The following PCDHA6 variants were observed in gnomAD, a reference collection of about 807,000 sequenced individuals.
PCDHA6 encodes the protein protocadherin alpha-6.
In PCDHA6, 55 loss-of-function variants were observed where a neutral mutation model predicts 60.3. The observed-to-expected ratio is 0.91, with a 90% CI of 0.73 to 1.14. The LOEUF (loss-of-function observed/expected upper bound fraction) is 1.14, where lower values mean the gene tolerates loss of function less well. Among genes scored for constraint, PCDHA6 ranks in the 50% most tolerant of loss-of-function variants. The pLI, the probability that PCDHA6 is intolerant of heterozygous loss-of-function variation, is 0.00. For synonymous variants in PCDHA6, 652 were observed against 557.9 expected, an observed-to-expected ratio of 1.17 and a Z score of -2.38; for missense variants, 1,327 against 1,256.5, an observed-to-expected ratio of 1.06 and a Z score of -0.85.
At position 140,843,179 on chromosome 5, in the gene PCDHA6, A is replaced by T. The variant is rs1554139831; in HGVS notation, c.2394+12694A>T. On this transcript the variant is annotated intron_variant, in intron 1 of 3. Transcript: ENST00000529310. Reference sequence around the variant, plus strand: ...GCAGCCAGCTGCAAGCAGCCCTCGCATCCCGTTCCGCGTGGGGCTGTACAC... The same window carrying T: ...GCAGCCAGCTGCAAGCAGCCCTCGCTTCCCGTTCCGCGTGGGGCTGTACAC... 4 of 1,595,858 alleles carry T rather than the reference A, an allele frequency of 2.5e-6. 1 individual carries two copies. In the Admixed American group the frequency reaches 5.1e-5, roughly 20 times the overall value.
rs782239316 is a variant in PCDHA6 at position 140,877,376 on chromosome 5, G to T, written c.2394+46891G>T. 6.2e-6 allele frequency: 10 copies of T among 1,613,896 alleles called. No individual in the cohort carries two copies. The South Asian group carries it at 6.6e-5, about 11-fold the overall frequency. On this transcript the variant is annotated intron_variant, in intron 1 of 3. Transcript: ENST00000529310. The stretch of plus-strand genomic sequence containing the variant: ...TACACTGGCGAGATCAGCACGACAC[G>T]CATCCTGGATGAGGCGGACGCTCCG...
chr5:140,898,072 G>T (rs1412097602), intron 1 of PCDHA6, among the ~76,000 whole-genome samples: 1 of 152,012 alleles, frequency 6.6e-6, no homozygotes, highest in Non-Finnish European at 1.5e-5. Flanking sequence ...TGAGTTCATT[G>T]TAGATTCTGG....
rs150390468 is a variant in PCDHA6 at position 140,876,777 on chromosome 5, G to A, written c.2394+46292G>A. The A allele has an allele frequency of 2.3e-3, 3,781 of 1,614,244 alleles. 8 individuals carry two copies. Among genetic ancestry groups the A allele is most frequent in the Non-Finnish European group, 3.0e-3 (3,507 of 1,180,036 alleles). On this transcript the variant is annotated intron_variant, in intron 1 of 3. Coordinates refer to ENST00000529310, the MANE Select transcript of PCDHA6 (RefSeq NM_018909.4). ...CGCGGGATGGGGGCTCGCCTTCGCT[G>A]TGGGCCACGGCTAGAGTGTCCGTGG...
At chr5:140,956,985 A>G (rs1554222760) in intron 1 of PCDHA6, among the ~76,000 whole-genome samples, 2 of 152,224 alleles carry the variant, frequency 1.3e-5, no homozygotes, top group African/African-American at 2.4e-5. Flanking sequence ...AGTAAAATAA[A>G]TTCAAGGAAG....
rs782295059 is a variant in PCDHA6 at position 140,883,240 on chromosome 5, C to A, written c.2394+52755C>A. The A allele has an allele frequency of 3.7e-6, 6 of 1,613,998 alleles. No homozygotes were observed. The Admixed American group carries it at 1.0e-4, about 27-fold the overall frequency. ...ATGAAATATCCGTGGAGGCAGTTGA[C>A]AAAGGAAATATTCCAATGGCGGGTC... On this transcript the variant is annotated intron_variant, in intron 1 of 3. Coordinates refer to ENST00000529310, the MANE Select transcript of PCDHA6 (RefSeq NM_018909.4).
chr5:140,876,023 C>G, intron 1 of PCDHA6: 1 of 1,612,330 alleles, frequency 6.2e-7, no homozygotes, highest in Non-Finnish European at 8.5e-7. Flanking sequence ...AAAATAAAAA[C>G]AAAAAAAGAT....
At chr5:140,833,562 T>A (rs1298635340) in intron 1 of PCDHA6, among the ~76,000 whole-genome samples, 1 of 152,132 alleles carries the variant, frequency 6.6e-6, no homozygotes, top group African/African-American at 2.4e-5. Context: ...GAAACAAATA[T>A]AAAATGATGA....
rs116346509 is a variant in PCDHA6 at position 140,904,582 on chromosome 5, G to A, written c.2394+74097G>A. ...TTTTTTTCCTCTGGGTAGACACCCA[G>A]TAGTGGGACTGCTGGATCAAATAGT... On this transcript the variant is annotated intron_variant, in intron 1 of 3. Transcript: ENST00000529310. Among the ~76,000 whole-genome samples, 650 of 152,092 alleles carry A rather than the reference G, an allele frequency of 4.3e-3. 5 individuals are homozygous for A. The highest frequency in any genetic ancestry group is 5.5e-3 in the Non-Finnish European group (373 of 67,986).
At chr5:140,920,923 G>C (rs1229531762) in intron 1 of PCDHA6, among the ~76,000 whole-genome samples, 5 of 151,200 alleles carry the variant, frequency 3.3e-5, no homozygotes, top group African/African-American at 1.2e-4. Flanking sequence ...TCCAAGAGTA[G>C]GTGATCTAGC....
chr5:141,002,673 C>T (rs2098090242), intron 3 of PCDHA6, among the ~76,000 whole-genome samples: 3 of 152,180 alleles, frequency 2.0e-5, no homozygotes, highest in Admixed American at 2.0e-4. Context: ...GGACCAAAAC[C>T]TATACGACGT....
chr5:140,929,071 T>C, intron 1 of PCDHA6: 1 of 1,614,122 alleles, frequency 6.2e-7, no homozygotes, highest in South Asian at 1.1e-5. Flanking sequence ...GGATCTGAGG[T>C]ATGGAAGTAA....
intron 1 of PCDHA6, chr5:140,967,281 C>G: frequency 2.5e-6 from 4 of 1,613,102 alleles, no homozygotes; most frequent in Non-Finnish European, 3.4e-6. Flanking sequence ...ATAGAGAGTG[C>G]GCAGGACCCC....
At chr5:140,898,957 G>A (rs1165991766) in intron 1 of PCDHA6, among the ~76,000 whole-genome samples, 13 of 152,052 alleles carry the variant, frequency 8.5e-5, no homozygotes, top group Admixed American at 8.5e-4. Flanking sequence ...AAGCAGTTGT[G>A]AATGGGAGTT....
intron 1 of PCDHA6, chr5:140,869,435 A>G (rs1554163053): frequency 6.2e-7 from 1 of 1,614,208 alleles, no homozygotes; most frequent in Admixed American, 1.7e-5. Context: ...GTGATCGTGG[A>G]CAGGCCGCTG....
intron 3 of PCDHA6, among the ~76,000 whole-genome samples, chr5:141,003,043 C>T (rs2098108698): frequency 6.6e-6 from 1 of 152,198 alleles, no homozygotes; most frequent in Non-Finnish European, 1.5e-5. Flanking sequence ...CCCTCCTGGC[C>T]TTAACAGAAC....
rs1779768738 is a variant in PCDHA6, at chr5:140,845,237, A to G, written c.2394+14752A>G. On this transcript the variant is annotated intron_variant, in intron 1 of 3. Coordinates refer to ENST00000529310, the MANE Select transcript of PCDHA6 (RefSeq NM_018909.4). ...TTTAAAAAATATGATTATCTTTATT[A>G]TCCTGTTTGAATAATATGTGTTTTC... 2.0e-5 allele frequency among the ~76,000 whole-genome samples: 3 copies of G among 149,564 alleles called. 1 individual carries two copies. The South Asian group carries it at 6.4e-4, about 32-fold the overall frequency.
chr5:140,830,011 G>A lies in PCDHA6; in HGVS notation c.1920G>A (p.Ala640=), dbSNP rs554678736. The change falls in exon 1 of 4, where the codon GCG becomes GCA. Residue 640 remains alanine, a synonymous_variant. Transcript: ENST00000529310. ...EISTTRVLDE[A]DSPRHRLLVL... is the part of the protein sequence containing the mutation. Reference sequence around the variant, plus strand: ...GCACCACTCGTGTCCTGGACGAAGCGGACTCTCCGCGCCACCGGCTGCTGG... The same window carrying A: ...GCACCACTCGTGTCCTGGACGAAGCAGACTCTCCGCGCCACCGGCTGCTGG... 2 of 1,613,794 alleles carry A rather than the reference G, an allele frequency of 1.2e-6. No homozygotes were observed. The highest frequency in any genetic ancestry group is 1.3e-5 in the African/African-American group (1 of 74,924).
chr5:140,976,691 C>T (rs1219355793), intron 1 of PCDHA6, among the ~76,000 whole-genome samples: 1 of 152,126 alleles, frequency 6.6e-6, no homozygotes, highest in Non-Finnish European at 1.5e-5. Context: ...AATTTAAGTA[C>T]AATAATGTTG....
At chr5:140,982,617 G>T in intron 3 of PCDHA6, 54 bp downstream of exon 3, 1 of 1,591,926 alleles carries the variant, frequency 6.3e-7, no homozygotes, top group South Asian at 1.1e-5. Context: ...GTGATCAGAT[G>T]ACCTACTTTT....
Sources: gnomAD v4.1 joint callset for allele counts (sites outside exome capture counted in the v4.1 genomes callset) on GRCh38, gnomAD v4.1.1 for gene constraint, MANE v1.5 for transcripts, NCBI Gene and HGNC (gene_info 2026-07-23, HGNC 2026-07-21) for gene names.